Variants in SORT1 observed in about 807,000 individuals in gnomAD.
SORT1 encodes sortilin.
Under a neutral mutation model 101.7 loss-of-function variants are expected in SORT1, and 39 were observed. That is an observed-to-expected ratio of 0.38 (90% confidence interval 0.30 to 0.50). The LOEUF (loss-of-function observed/expected upper bound fraction) is 0.50, where lower values mean the gene tolerates loss of function less well. Among genes scored for constraint, SORT1 ranks in the 20% least tolerant of loss-of-function variants. SORT1 has a pLI of 0.90. For synonymous variants in SORT1, 396 were observed against 393.7 expected (o/e 1.01, Z -0.07); for missense variants, 878 against 1,040.4 (o/e 0.84, Z 2.15).
rs1301923942 is a variant in SORT1, at chr1:109,344,280, A to G, written c.963+1471T>C. Among the ~76,000 whole-genome samples, 3 of 152,218 alleles carry G rather than the reference A, an allele frequency of 2.0e-5. No individual in the cohort carries two copies. In the East Asian group the frequency reaches 5.8e-4, roughly 29 times the overall value. On this transcript the variant is annotated intron_variant, in intron 8 of 19. Coordinates refer to ENST00000256637, the MANE Select transcript of SORT1 (RefSeq NM_002959.7). ...CTGTCAGGCTGTTCTGCGCACACCTATTCTTCAAAAGAGAAGCCAAATCTC... is the reference window on the plus strand; with the variant it reads ...CTGTCAGGCTGTTCTGCGCACACCTGTTCTTCAAAAGAGAAGCCAAATCTC...
chr1:109,333,232 C>T (rs1459846442), intron 11 of SORT1, among the ~76,000 whole-genome samples: 1 of 152,018 alleles, frequency 6.6e-6, no homozygotes, highest in Non-Finnish European at 1.5e-5. Flanking sequence ...GGCCTCAATC[C>T]TTATTTCATG....
Position 109,363,167 on chromosome 1 carries a change from T to C in SORT1, c.440+4241A>G, listed in dbSNP as rs538541241. On this transcript the variant is annotated intron_variant, in intron 3 of 19. Transcript: ENST00000256637. ...ATATTAATAATTAGGTATATAACATTGGTGTAGAATAATGCCTACATTTGC... is the reference window on the plus strand; with the variant it reads ...ATATTAATAATTAGGTATATAACATCGGTGTAGAATAATGCCTACATTTGC... Among the ~76,000 whole-genome samples, 26 of 152,330 alleles carry C rather than the reference T, an allele frequency of 1.7e-4. No homozygotes were observed. In the South Asian group the frequency reaches 5.4e-3, roughly 32 times the overall value.
intron 8 of SORT1, among the ~76,000 whole-genome samples, chr1:109,343,944 T>C (rs1649407605): frequency 1.3e-5 from 2 of 152,148 alleles, no homozygotes; most frequent in Non-Finnish European, 2.9e-5. Flanking sequence ...GCCACCATGC[T>C]CGGCCCAAAA....
intron 6 of SORT1, among the ~76,000 whole-genome samples, chr1:109,350,529 C>A (rs765790308): frequency 2.0e-5 from 3 of 152,182 alleles, no homozygotes; most frequent in Non-Finnish European, 4.4e-5. Flanking sequence ...TTCCTGATTC[C>A]TTGCCATGTT....
At chr1:109,351,295 G>T (rs1320091159) in intron 5 of SORT1, among the ~76,000 whole-genome samples, 2 of 152,184 alleles carry the variant, frequency 1.3e-5, no homozygotes, top group African/African-American at 4.8e-5. Context: ...GAGAGAAGGG[G>T]CTCACAGTTT....
chr1:109,333,161 C>T (rs1164756682), intron 11 of SORT1, among the ~76,000 whole-genome samples: 3 of 152,070 alleles, frequency 2.0e-5, no homozygotes, highest in Non-Finnish European at 2.9e-5. Flanking sequence ...CTCCTGACCT[C>T]GTGATCCACC....
At chr1:109,349,961 A>G (rs1030276475) in intron 6 of SORT1, among the ~76,000 whole-genome samples, 6 of 152,166 alleles carry the variant, frequency 3.9e-5, no homozygotes, top group African/African-American at 1.4e-4. Flanking sequence ...CAGTGTTCCC[A>G]TTAGAAGTTA....
At chr1:109,319,414 C>T (rs1420848633) in intron 15 of SORT1, among the ~76,000 whole-genome samples, 1 of 152,220 alleles carries the variant, frequency 6.6e-6, no homozygotes, top group Non-Finnish European at 1.5e-5. Context: ...CTGGCAGCGT[C>T]TCCTTAGCCT....
intron 1 of SORT1, chr1:109,389,743 G>C (rs1028144807): frequency 1.3e-5 from 2 of 152,218 alleles, no homozygotes; most frequent in Non-Finnish European, 2.9e-5. Flanking sequence ...GGAAACGTTA[G>C]CACTTCAAGT....
In SORT1 at chr1:109,317,758, A is replaced by G. The variant is rs1005525770; in HGVS notation, c.2141+95T>C. On this transcript the variant is annotated intron_variant, in intron 16 of 19. Coordinates refer to ENST00000256637, the MANE Select transcript of SORT1 (RefSeq NM_002959.7). ...CCAACCCCGCCAAAAATAGTGCTCT[A>G]AAGTAGGGCTTGGATCTCAGTGTGG... The G allele has an allele frequency of 9.3e-6, 8 of 860,460 alleles. No individual in the cohort carries two copies. In the African/African-American group the frequency reaches 1.2e-4, roughly 13 times the overall value. The allele number at this position is 860,460 out of a possible 1,614,324, so 53.3% of individuals were successfully genotyped here.
chr1:109,343,159 C>T (rs1369673054), intron 8 of SORT1, among the ~76,000 whole-genome samples: 1 of 152,132 alleles, frequency 6.6e-6, no homozygotes, highest in East Asian at 1.9e-4. Flanking sequence ...TCAATTTCCT[C>T]ACCTATAAAA....
chr1:109,368,960 T>C (rs1651282915), intron 2 of SORT1, among the ~76,000 whole-genome samples: 1 of 152,240 alleles, frequency 6.6e-6, no homozygotes, highest in Non-Finnish European at 1.5e-5. Flanking sequence ...CTTGCTCATC[T>C]TGATGCTAAG....
intron 7 of SORT1, among the ~76,000 whole-genome samples, chr1:109,346,716 G>T (rs1156999300): frequency 7.1e-6 from 1 of 140,084 alleles, no homozygotes; most frequent in East Asian, 2.1e-4. Flanking sequence ...CTGCACTCCA[G>T]CCTGGGCGAC....
intron 10 of SORT1, 139 bp from the exon 11 acceptor site, chr1:109,336,485 C>T (rs1468089843): frequency 3.1e-6 from 2 of 638,284 alleles, no homozygotes; most frequent in African/African-American, 1.8e-5. Flanking sequence ...CAAAACGGCT[C>T]ATTGTTGGTA....
At chr1:109,378,357 G>C (rs1467231593) in intron 1 of SORT1, among the ~76,000 whole-genome samples, 1 of 151,978 alleles carries the variant, frequency 6.6e-6, no homozygotes, top group East Asian at 1.9e-4. Context: ...TTTAGAAATA[G>C]TACTCCTGCT....
intron 3 of SORT1, among the ~76,000 whole-genome samples, chr1:109,365,042 C>T (rs1650988675): frequency 6.6e-6 from 1 of 152,174 alleles, no homozygotes; most frequent in Non-Finnish European, 1.5e-5. Context: ...CCTCCCAATA[C>T]TCTACAATTA....
At chr1:109,351,963 G>GGGGGGT (rs1298855792) in intron 5 of SORT1, among the ~76,000 whole-genome samples, 2 of 72,722 alleles carry the variant, frequency 2.8e-5, no homozygotes, top group African/African-American at 5.6e-5. Flanking sequence ...ATGAGAGGTA[G>GGGGGGT]GGGTGTGTGT....
chr1:109,375,785 T>C (rs1488200189), intron 1 of SORT1, among the ~76,000 whole-genome samples: 1 of 152,026 alleles, frequency 6.6e-6, no homozygotes, highest in Non-Finnish European at 1.5e-5. Context: ...CTTCCTACAA[T>C]GCAAGCCAGA....
At chr1:109,392,189 G>A (rs1396583062) in intron 1 of SORT1, among the ~76,000 whole-genome samples, 1 of 152,124 alleles carries the variant, frequency 6.6e-6, no homozygotes, top group Non-Finnish European at 1.5e-5. Flanking sequence ...AAGAACAAAC[G>A]TTACTCCCCC....
Sources: allele counts gnomAD v4.1 joint callset (sites outside exome capture counted in the v4.1 genomes callset), GRCh38; gene constraint gnomAD v4.1.1; transcripts MANE v1.5; gene names NCBI Gene and HGNC (gene_info 2026-07-23, HGNC 2026-07-21).